The following RARB variants were observed in gnomAD, a reference collection of about 807,000 sequenced individuals.
RARB encodes the protein HBV-activated protein.
Under a neutral mutation model 51.9 loss-of-function variants are expected in RARB, and 17 were observed. That is an observed-to-expected ratio of 0.33 (90% CI 0.22 to 0.49). RARB has a LOEUF of 0.49. Ranked by LOEUF, RARB falls within the 20% of genes least tolerant of loss-of-function variation. The pLI is 0.99. For missense variants in RARB, 369 were observed against 550.8 expected, an observed-to-expected ratio of 0.67 and a Z score of 3.30; for synonymous variants, 215 against 195.4, an observed-to-expected ratio of 1.10 and a Z score of -0.84.
intron 5 of RARB, among the ~76,000 whole-genome samples, chr3:25,260,533 C>T (rs547218950): frequency 3.3e-5 from 5 of 152,058 alleles, no homozygotes; most frequent in Admixed American, 6.6e-5. Context: ...ATCAAAAATC[C>T]GAGAAGCCAT....
At chr3:25,226,644 A>C (rs1702062670) in intron 5 of RARB, among the ~76,000 whole-genome samples, 1 of 152,320 alleles carries the variant, frequency 6.6e-6, no homozygotes, top group East Asian at 1.9e-4. Flanking sequence ...CTTGTCTTCA[A>C]GCAGGTTGGC....
intron 4 of RARB, among the ~76,000 whole-genome samples, chr3:25,163,790 C>T (rs1216421072): frequency 2.0e-5 from 3 of 151,880 alleles, no homozygotes; most frequent in Non-Finnish European, 4.4e-5. Flanking sequence ...TTCTGGAACA[C>T]CAATTAGAAA....
chr3:25,573,011 TC>T (rs1700768537), intron 4 of RARB, among the ~76,000 whole-genome samples: 1 of 152,084 alleles, frequency 6.6e-6, no homozygotes, highest in Non-Finnish European at 1.5e-5. Flanking sequence ...GCATTGCCAC[TC>T]CTGCGAGCGG....
intron 3 of RARB, among the ~76,000 whole-genome samples, chr3:25,523,575 T>C (rs1160432835): frequency 6.6e-6 from 1 of 152,210 alleles, no homozygotes; most frequent in Non-Finnish European, 1.5e-5. Context: ...TAGCATGCTA[T>C]TCTTTGGAGA....
chr3:25,097,403 A>G (rs1189580078), intron 3 of RARB, among the ~76,000 whole-genome samples: 1 of 152,222 alleles, frequency 6.6e-6, no homozygotes, highest in Admixed American at 6.5e-5. Flanking sequence ...ATGTTTTTAT[A>G]AAGTAGTAAT....
chr3:25,081,350 G>A (rs1698990515), intron 3 of RARB, among the ~76,000 whole-genome samples: 1 of 151,418 alleles, frequency 6.6e-6, no homozygotes, highest in Non-Finnish European at 1.5e-5. Context: ...GTATCTCATG[G>A]TGAATGCTCC....
At chr3:25,547,356 C>T (rs1308557060) in intron 3 of RARB, among the ~76,000 whole-genome samples, 2 of 152,242 alleles carry the variant, frequency 1.3e-5, no homozygotes, top group Non-Finnish European at 2.9e-5. Context: ...CAGAGGTCTC[C>T]TCCCACCATT....
chr3:24,903,171 A>G (rs940264316), intron 2 of RARB, among the ~76,000 whole-genome samples: 4 of 152,120 alleles, frequency 2.6e-5, no homozygotes, highest in Non-Finnish European at 4.4e-5. Flanking sequence ...AGATAACTGT[A>G]ATGATAACTT....
chr3:24,850,831 C>CAG (rs1702545629), intron 1 of RARB, among the ~76,000 whole-genome samples: 1 of 152,124 alleles, frequency 6.6e-6, no homozygotes. Flanking sequence ...AACAAGCTTG[C>CAG]AGAGGATGCT....
intron 3 of RARB, among the ~76,000 whole-genome samples, chr3:25,105,528 C>A (rs555606061): frequency 2.2e-4 from 33 of 151,160 alleles, no homozygotes; most frequent in Admixed American, 1.7e-3. Flanking sequence ...TTAGTTCTTT[C>A]CTTGGCCTTT....
At chr3:25,483,665 C>T (rs1696336145) in intron 2 of RARB, among the ~76,000 whole-genome samples, 1 of 151,122 alleles carries the variant, frequency 6.6e-6, no homozygotes, top group African/African-American at 2.4e-5. Flanking sequence ...CAAAACAAAA[C>T]CCAGAGATAA....
chr3:25,572,773 A>G (rs1340524782), intron 4 of RARB, among the ~76,000 whole-genome samples: 1 of 152,124 alleles, frequency 6.6e-6, no homozygotes, highest in Non-Finnish European at 1.5e-5. Flanking sequence ...TTATATGGCA[A>G]TACCTAGGGC....
Position 24,903,816 on chromosome 3 carries a change from A to C in RARB, c.-380+45064A>C, listed in dbSNP as rs879634925. On this transcript the variant is annotated intron_variant, in intron 2 of 11. Transcript: ENST00000383772. Reference sequence around the variant, plus strand: ...GAAGACTGAAATATGTTCTCTATACATTTTTAAAAGAATCTTAAGGATTAA... The same window carrying C: ...GAAGACTGAAATATGTTCTCTATACCTTTTTAAAAGAATCTTAAGGATTAA... 5.8e-4 allele frequency among the ~76,000 whole-genome samples: 89 copies of C among 152,190 alleles called. 1 individual carries two copies. The highest frequency in any genetic ancestry group is 5.6e-3 in the Admixed American group (86 of 15,276).
At chr3:24,857,205 G>A (rs1393978481) in intron 1 of RARB, among the ~76,000 whole-genome samples, 2 of 152,076 alleles carry the variant, frequency 1.3e-5, no homozygotes, top group Non-Finnish European at 2.9e-5. Context: ...TCTCCTTACA[G>A]TCCCTTGCAA....
intron 5 of RARB, among the ~76,000 whole-genome samples, chr3:25,216,986 C>T (rs1459052114): frequency 6.6e-6 from 1 of 151,940 alleles, no homozygotes; most frequent in East Asian, 1.9e-4. Flanking sequence ...TAATGACATC[C>T]AGATTTGATT....
chr3:24,954,599 C>CT (rs1695968756), intron 2 of RARB, among the ~76,000 whole-genome samples: 1 of 152,096 alleles, frequency 6.6e-6, no homozygotes, highest in South Asian at 2.1e-4. Flanking sequence ...GGGATATTGA[C>CT]TTGTAATCAA....
chr3:25,032,505 G>A (rs1268638179), intron 2 of RARB, among the ~76,000 whole-genome samples: 1 of 152,186 alleles, frequency 6.6e-6, no homozygotes, highest in African/African-American at 2.4e-5. Context: ...TGGATCTGAA[G>A]TGAAGCAGAG....
At chr3:25,493,015 C>G (rs1273339735) in intron 2 of RARB, among the ~76,000 whole-genome samples, 1 of 149,766 alleles carries the variant, frequency 6.7e-6, no homozygotes, top group African/African-American at 2.5e-5. Flanking sequence ...AAATAAACAA[C>G]TCTCAGCTTT....
intron 5 of RARB, among the ~76,000 whole-genome samples, chr3:25,321,228 T>A (rs1704560168): frequency 6.6e-6 from 1 of 152,178 alleles, no homozygotes; most frequent in Admixed American, 6.5e-5. Context: ...GCATTCAGAC[T>A]TTGGGAACTT....
Sources: gnomAD v4.1 joint callset for allele counts (sites outside exome capture counted in the v4.1 genomes callset) on GRCh38, gnomAD v4.1.1 for gene constraint, MANE v1.5 for transcripts, NCBI Gene and HGNC (gene_info 2026-07-23, HGNC 2026-07-21) for gene names.